RNASET2: variants seen among roughly 807,000 people sequenced by gnomAD.
RNASET2 encodes the protein ribonuclease 6.
A neutral mutation model predicts 33.9 loss-of-function variants in RNASET2; 28 were observed. That is an observed-to-expected ratio of 0.83 (90% CI 0.61 to 1.13). The LOEUF is 1.13. RNASET2 is among the 50% of genes most tolerant of loss of function. The probability of loss-of-function intolerance (pLI) is 0.00; values close to 1 mark genes in which losing one functional copy is unlikely to be tolerated. For missense variants in RNASET2, 330 were observed against 319.9 expected (o/e 1.03, Z -0.24); for synonymous variants, 123 against 121.0 (o/e 1.02, Z -0.11).
Position 166,952,549 on chromosome 6 carries a change from C to T in RNASET2, c.87-1G>A, listed in dbSNP as rs1384016702. 1 of 1,611,142 alleles carries T rather than the reference C, an allele frequency of 6.2e-7. No homozygotes were observed. Reference sequence around the variant, plus strand: ...TAGTTTTTTCCACTCATGGTTGTCACTGTTAAAACATAAGAAACTTATTTT... The same window carrying T: ...TAGTTTTTTCCACTCATGGTTGTCATTGTTAAAACATAAGAAACTTATTTT... On this transcript the variant is annotated splice_acceptor_variant, in intron 1 of 8. Transcript: ENST00000508775. LOFTEE classifies it high-confidence loss of function.
chr6:166,943,591 T>C (rs539777268), intron 4 of RNASET2: 57 of 341,550 alleles, frequency 1.7e-4, no homozygotes, highest in Non-Finnish European at 2.9e-4. Context: ...GGCCAGCGGC[T>C]GCTCCAGAGC....
In RNASET2 at chr6:166,944,479, C is replaced by G. The variant is rs548785729; in HGVS notation, c.262-1390G>C. 6.0e-5 allele frequency among the ~76,000 whole-genome samples: 9 copies of G among 150,896 alleles called. No homozygotes were observed. In the South Asian group the frequency reaches 1.9e-3, roughly 32 times the overall value. ...CCCCTCCTCTTCCCCTCCAGCCCCCCACCCCACCTCTCCTGCCCCACCATG... is the reference window on the plus strand; with the variant it reads ...CCCCTCCTCTTCCCCTCCAGCCCCCGACCCCACCTCTCCTGCCCCACCATG... On this transcript the variant is annotated intron_variant, in intron 4 of 8. Transcript: ENST00000508775.
Position 166,929,811 on chromosome 6 carries a change from G to T in RNASET2, c.568-20C>A, listed in dbSNP as rs201458320. On this transcript the variant is annotated intron_variant, in intron 8 of 8. Transcript: ENST00000508775. ...CTCATCCTAAAAGTAAACAATGAAA[G>T]ACGCTTTAGAATTCAGATCTTGGAT... The T allele has an allele frequency of 2.1e-4, 343 of 1,602,160 alleles. 4 individuals carry two copies. The African/African-American group carries it at 3.9e-3, about 18-fold the overall frequency.
chr6:166,948,745 G>A (rs1247740700), intron 2 of RNASET2, 120 bp from the exon 3 acceptor site: 8 of 732,576 alleles, frequency 1.1e-5, no homozygotes, highest in Non-Finnish European at 2.0e-5. Flanking sequence ...TACAGGTACT[G>A]CACTAATAAC....
intron 1 of RNASET2, chr6:166,955,563 G>C (rs1779143898): frequency 1.0e-6 from 1 of 986,498 alleles, no homozygotes; most frequent in African/African-American, 1.7e-5. Context: ...AGAGAACTTC[G>C]AGTGCAGGAA....
In RNASET2 at chr6:166,926,426, C is replaced by T. The variant is rs1003804440; in HGVS notation, c.*3162G>A. 2.0e-5 allele frequency among the ~76,000 whole-genome samples: 3 copies of T among 150,640 alleles called. No homozygotes were observed. Among genetic ancestry groups the T allele is most frequent in the Admixed American group, 1.3e-4 (2 of 15,060 alleles). ...GGTGGCGTGCCTAGTCCCAGCTACT[C>T]GGGAGGCTGAGGCAGAAGAATTGCT... On this transcript the variant is annotated 3_prime_UTR_variant, in exon 9 of 9. Transcript: ENST00000508775.
At chr6:166,934,008 G>A (rs770292086) in intron 7 of RNASET2, 83 bp downstream of exon 7, 1 of 944,170 alleles carries the variant, frequency 1.1e-6, no homozygotes, top group Non-Finnish European at 1.8e-6. Flanking sequence ...GCAATTTACA[G>A]CCCATTGACT....
intron 7 of RNASET2, chr6:166,932,347 G>A (rs1778466966): frequency 6.5e-6 from 1 of 152,768 alleles, no homozygotes; most frequent in Non-Finnish European, 1.5e-5. Context: ...GCTGGAGGAT[G>A]AGGTCCTCAT....
Position 166,928,560 on chromosome 6 carries a change from T to C in RNASET2, c.*1028A>G, listed in dbSNP as rs1778342593. 6.6e-6 allele frequency among the ~76,000 whole-genome samples: 1 copy of C among 151,426 alleles called. No homozygotes were observed. The highest frequency in any genetic ancestry group is 6.6e-5 in the Admixed American group (1 of 15,122). On this transcript the variant is annotated 3_prime_UTR_variant, in exon 9 of 9. Coordinates refer to ENST00000508775, the MANE Select transcript of RNASET2 (RefSeq NM_003730.6). Reference sequence around the variant, plus strand: ...AGTTCTATTTTAAATGTATATTGAATAAAACATAAATAGGACGTTAATGTG... The same window carrying C: ...AGTTCTATTTTAAATGTATATTGAACAAAACATAAATAGGACGTTAATGTG...
chr6:166,940,814 A>G (rs774530187), intron 5 of RNASET2, among the ~76,000 whole-genome samples: 6 of 151,756 alleles, frequency 4.0e-5, no homozygotes, highest in Non-Finnish European at 8.8e-5. Context: ...CTGTGCTGAG[A>G]GACACCCTGA....
chr6:166,925,759 G>C lies in RNASET2; in HGVS notation c.*3829C>G, dbSNP rs963616796. Among the ~76,000 whole-genome samples the C allele has an allele frequency of 6.6e-6, 1 of 152,260 alleles. No individual in the cohort carries two copies. The highest frequency in any genetic ancestry group is 1.5e-5 in the Non-Finnish European group (1 of 68,048). On this transcript the variant is annotated 3_prime_UTR_variant, in exon 9 of 9. Transcript: ENST00000508775. ...ACTCTTAACGGCCAACCATGGAACT[G>C]GGTGTTGATATCCCATGGAACTTGC...
At chr6:166,943,229 C>G in intron 4 of RNASET2, 140 bp from the exon 5 acceptor site, 1 of 657,796 alleles carries the variant, frequency 1.5e-6, no homozygotes, top group Non-Finnish European at 2.7e-6. Flanking sequence ...TAATCCTATG[C>G]TTATTTTGTA....
intron 7 of RNASET2, chr6:166,932,650 T>C (rs1409010406): frequency 6.6e-6 from 1 of 152,208 alleles, no homozygotes; most frequent in African/African-American, 2.4e-5. Flanking sequence ...CTCCTGATGA[T>C]AAATCAAACT....
rs1171287024 is a variant in RNASET2, at chr6:166,926,518, A to G, written c.*3070T>C. ...CACTGCACTCCAGCCTGGGCGACAG[A>G]GTGAGACTCAGTCTCAAAAAAAAAA... On this transcript the variant is annotated 3_prime_UTR_variant, in exon 9 of 9. Coordinates refer to ENST00000508775, the MANE Select transcript of RNASET2 (RefSeq NM_003730.6). Among the ~76,000 whole-genome samples the G allele has an allele frequency of 5.2e-5, 7 of 134,482 alleles. No individual in the cohort carries two copies. Among genetic ancestry groups the G allele is most frequent in the Non-Finnish European group, 9.5e-5 (6 of 62,974 alleles). The allele number at this position is 134,482 out of a possible 152,430, so 88.2% of individuals were successfully genotyped here.
rs1778253241 is a variant in RNASET2, at chr6:166,922,829, C to G, written c.*6759G>C. On this transcript the variant is annotated 3_prime_UTR_variant, in exon 9 of 9. Coordinates refer to ENST00000508775, the MANE Select transcript of RNASET2 (RefSeq NM_003730.6). ...GGTGCAGTCCAAGACATATGGTCAT[C>G]AAGACAGAAGAGCAGATGGTGACAG... is the stretch of plus-strand genomic sequence containing the variant. Among the ~76,000 whole-genome samples the G allele has an allele frequency of 6.6e-6, 1 of 152,186 alleles. No homozygotes were observed. Among genetic ancestry groups the G allele is most frequent in the African/African-American group, 2.4e-5 (1 of 41,440 alleles).
chr6:166,955,260 C>CGCGCGCACACACG (rs1203606341), intron 1 of RNASET2, among the ~76,000 whole-genome samples: 30 of 85,474 alleles, frequency 3.5e-4, no homozygotes, highest in African/African-American at 1.8e-3. Flanking sequence ...CACACACGCA[C>CGCGCGCACACACG]ACACACACAC....
chr6:166,954,370 T>C (rs1227837882), intron 1 of RNASET2, among the ~76,000 whole-genome samples: 1 of 152,260 alleles, frequency 6.6e-6, no homozygotes, highest in Non-Finnish European at 1.5e-5. Context: ...TGTTTTATGC[T>C]AATGTTTACT....
intron 1 of RNASET2, chr6:166,953,273 G>A (rs569601974): frequency 2.6e-5 from 4 of 152,688 alleles, no homozygotes; most frequent in African/African-American, 9.6e-5. Flanking sequence ...AGACTTCAAA[G>A]AAGCCACTGT....
intron 1 of RNASET2, among the ~76,000 whole-genome samples, chr6:166,955,234 C>T (rs1281240505): frequency 4.1e-5 from 5 of 121,648 alleles, no homozygotes; most frequent in African/African-American, 1.6e-4. Flanking sequence ...CACACACGCA[C>T]GCACGCACAC....
Sources: gnomAD v4.1 joint callset for allele counts (sites outside exome capture counted in the v4.1 genomes callset) on GRCh38, gnomAD v4.1.1 for gene constraint, MANE v1.5 for transcripts, NCBI Gene and HGNC (gene_info 2026-07-23, HGNC 2026-07-21) for gene names.